Variants in THSD4 observed in about 807,000 individuals in gnomAD.
THSD4 encodes the protein thrombospondin type 1 domain containing 4.
A neutral mutation model predicts 119.0 loss-of-function variants in THSD4; 69 were observed. The observed-to-expected ratio is 0.58, with a 90% confidence interval of 0.48 to 0.71. The LOEUF is 0.71. Ranked by LOEUF, THSD4 falls within the 30% of genes least tolerant of loss-of-function variation. The pLI is 0.00. For missense variants in THSD4, 1,393 were observed against 1,391.1 expected, an observed-to-expected ratio of 1.00 and a Z score of -0.02; for synonymous variants, 524 against 540.4, an observed-to-expected ratio of 0.97 and a Z score of 0.42.
At chr15:71,388,227 AT>A (rs2046318578) in intron 6 of THSD4, among the ~76,000 whole-genome samples, 2 of 152,214 alleles carry the variant, frequency 1.3e-5, no homozygotes, top group Non-Finnish European at 2.9e-5. Flanking sequence ...TTTCTGCTGC[AT>A]AGCTGCTTGG....
At chr15:71,182,576 A>G (rs972831463) in intron 3 of THSD4, among the ~76,000 whole-genome samples, 1 of 151,858 alleles carries the variant, frequency 6.6e-6, no homozygotes, top group Non-Finnish European at 1.5e-5. Context: ...TTTTTAAATA[A>G]CTTCTAAATT....
chr15:71,307,334 C>T (rs1567189699), intron 6 of THSD4, among the ~76,000 whole-genome samples: 1 of 152,116 alleles, frequency 6.6e-6, no homozygotes, highest in African/African-American at 2.4e-5. Flanking sequence ...GGTATTATAC[C>T]CAGTTTCTAC....
intron 7 of THSD4, among the ~76,000 whole-genome samples, chr15:71,608,239 T>TACACACACAC (rs1189502927): frequency 7.5e-5 from 5 of 66,980 alleles, no homozygotes; most frequent in Non-Finnish European, 1.0e-4. Context: ...AAAAAAAAAA[T>TACACACACAC]ATATATATAT....
chr15:71,233,741 A>G (rs1312986488), intron 4 of THSD4, among the ~76,000 whole-genome samples: 2 of 152,214 alleles, frequency 1.3e-5, no homozygotes, highest in Non-Finnish European at 2.9e-5. Flanking sequence ...TATGCAGAAC[A>G]CAATTTATTT....
At chr15:71,205,912 C>T (rs893229770) in intron 3 of THSD4, among the ~76,000 whole-genome samples, 2 of 124,608 alleles carry the variant, frequency 1.6e-5, no homozygotes, top group Admixed American at 9.9e-5. Context: ...TTGCTGTTGT[C>T]GCCCAGGCTG....
At chr15:71,133,815 T>C (rs2040524944) in intron 1 of THSD4, among the ~76,000 whole-genome samples, 2 of 152,208 alleles carry the variant, frequency 1.3e-5, no homozygotes, top group South Asian at 4.1e-4. Flanking sequence ...GGGAAACGTT[T>C]TTTTAGGACT....
chr15:71,495,923 C>T (rs540779468), intron 7 of THSD4, among the ~76,000 whole-genome samples: 12 of 152,306 alleles, frequency 7.9e-5, no homozygotes, highest in Admixed American at 2.0e-4. Context: ...CAGGCTTTGG[C>T]AGCGTTCAGG....
chr15:71,625,254 C>T (rs530668290), intron 7 of THSD4, among the ~76,000 whole-genome samples: 13 of 152,076 alleles, frequency 8.5e-5, no homozygotes, highest in Non-Finnish European at 1.3e-4. Context: ...GTGATCCACC[C>T]GCCTTGGCCT....
At position 71,124,502 on chromosome 15, in the gene THSD4, T is replaced by C. The variant is rs543033910; in HGVS notation, c.-80+8804T>C. On this transcript the variant is annotated intron_variant, in intron 1 of 17. Transcript: ENST00000261862. ...AAGAGTGAATGTTAAAATATCCTGATAGTCAACAAAATCATTCACGGACAT... is the reference window on the plus strand; with the variant it reads ...AAGAGTGAATGTTAAAATATCCTGACAGTCAACAAAATCATTCACGGACAT... Among the ~76,000 whole-genome samples the C allele has an allele frequency of 3.3e-5, 5 of 152,308 alleles. No individual in the cohort carries two copies. In the South Asian group the frequency reaches 1.0e-3, roughly 32 times the overall value.
chr15:71,171,333 C>T (rs2043360689), intron 3 of THSD4, among the ~76,000 whole-genome samples: 1 of 152,130 alleles, frequency 6.6e-6, no homozygotes, highest in East Asian at 1.9e-4. Flanking sequence ...TTAAGAATGA[C>T]AGTAGATTCT....
chr15:71,739,813 T>A (rs377676416), intron 11 of THSD4, among the ~76,000 whole-genome samples: 1 of 141,044 alleles, frequency 7.1e-6, no homozygotes, highest in African/African-American at 2.6e-5. Flanking sequence ...TTTTTTTTTT[T>A]GCTTTGCTTT....
chr15:71,439,683 G>A (rs946690568), intron 7 of THSD4, among the ~76,000 whole-genome samples: 1 of 152,174 alleles, frequency 6.6e-6, no homozygotes, highest in Non-Finnish European at 1.5e-5. Context: ...CTATGCAGCT[G>A]TAAAAAAGAA....
rs189567260 is a variant in THSD4 at position 71,104,895 on chromosome 15, G to A, written c.-80+7889G>A. 2.6e-5 allele frequency among the ~76,000 whole-genome samples: 4 copies of A among 152,326 alleles called. No homozygotes were observed. In the East Asian group the frequency reaches 7.7e-4, roughly 29 times the overall value. On this transcript the variant is annotated intron_variant, in intron 1 of 17. Coordinates refer to the THSD4 transcript ENST00000355327. Reference sequence around the variant, plus strand: ...ATTCGAGGTCAGAGTGACCCGTAGGGCTGAGTGACTTAGCCCTTGTCCGGC... The same window carrying A: ...ATTCGAGGTCAGAGTGACCCGTAGGACTGAGTGACTTAGCCCTTGTCCGGC...
intron 4 of THSD4, among the ~76,000 whole-genome samples, chr15:71,221,275 A>G (rs1321701536): frequency 6.6e-6 from 1 of 152,212 alleles, no homozygotes; most frequent in Non-Finnish European, 1.5e-5. Flanking sequence ...TTGTGTTAAA[A>G]TACACATAAC....
chr15:71,240,946 A>G (rs2044147960), intron 4 of THSD4, among the ~76,000 whole-genome samples: 1 of 152,188 alleles, frequency 6.6e-6, no homozygotes, highest in East Asian at 1.9e-4. Context: ...TAAATGCAAA[A>G]TAAACACTGT....
chr15:71,427,095 T>C (rs1014999460), intron 7 of THSD4, among the ~76,000 whole-genome samples: 4 of 152,136 alleles, frequency 2.6e-5, no homozygotes, highest in African/African-American at 9.7e-5. Context: ...AGAAAAATTA[T>C]CTATTATTTT....
chr15:71,524,008 T>A (rs1208285389), intron 7 of THSD4, among the ~76,000 whole-genome samples: 1 of 152,146 alleles, frequency 6.6e-6, no homozygotes, highest in Non-Finnish European at 1.5e-5. Flanking sequence ...CTAAAGAAGG[T>A]TTCTAGAGGA....
intron 3 of THSD4, among the ~76,000 whole-genome samples, chr15:71,211,398 G>C (rs1019369258): frequency 2.0e-5 from 3 of 152,146 alleles, no homozygotes; most frequent in African/African-American, 7.2e-5. Context: ...CTGGCTTGCA[G>C]AGAGCTGCCT....
At chr15:71,673,572 T>A (rs529058598) in intron 8 of THSD4, among the ~76,000 whole-genome samples, 28 of 152,338 alleles carry the variant, frequency 1.8e-4, no homozygotes, top group African/African-American at 6.3e-4. Context: ...GTTCTTTTAA[T>A]TGTGATGTTA....
Sources: gnomAD v4.1 joint callset for allele counts (sites outside exome capture counted in the v4.1 genomes callset) on GRCh38, gnomAD v4.1.1 for gene constraint, MANE v1.5 for transcripts, NCBI Gene and HGNC (gene_info 2026-07-23, HGNC 2026-07-21) for gene names.